Variants in GYS2 observed in about 807,000 individuals in gnomAD.
GYS2 encodes glycogen [starch] synthase, liver.
GYS2 carries 80 observed loss-of-function variants against 85.6 expected under a neutral mutation model. The ratio of observed to expected loss-of-function variants is 0.93; its 90% CI spans 0.78 to 1.13. GYS2 has a LOEUF of 1.13. Among genes scored for constraint, GYS2 ranks in the 50% most tolerant of loss-of-function variants. GYS2 has a pLI of 0.00. For missense variants in GYS2, 881 were observed against 854.9 expected, an observed-to-expected ratio of 1.03 and a Z score of -0.38; for synonymous variants, 328 against 300.7, an observed-to-expected ratio of 1.09 and a Z score of -0.94.
chr12:21,588,157 A>G (rs1333027252), intron 1 of GYS2, among the ~76,000 whole-genome samples: 1 of 152,228 alleles, frequency 6.6e-6, no homozygotes, highest in East Asian at 1.9e-4. Flanking sequence ...CTTCAACTCA[A>G]TTGCAAAAAG....
At chr12:21,592,140 TAAGAAAGA>T (rs57387746) in intron 1 of GYS2, among the ~76,000 whole-genome samples, 9 of 87,186 alleles carry the variant, frequency 1.0e-4, no homozygotes, top group South Asian at 3.3e-4. Context: ...TCATAAATAA[TAAGAAAGA>T]AAGAAAGAAA....
chr12:21,593,125 C>G (rs1461040015), intron 1 of GYS2, among the ~76,000 whole-genome samples: 3 of 151,720 alleles, frequency 2.0e-5, no homozygotes, highest in Admixed American at 6.6e-5. Context: ...TGGGATACAG[C>G]AAAAGCAGTG....
chr12:21,552,723 C>T (rs1944127987), intron 11 of GYS2, among the ~76,000 whole-genome samples: 1 of 152,206 alleles, frequency 6.6e-6, no homozygotes, highest in Admixed American at 6.5e-5. Context: ...CATCTCCACT[C>T]ACCCTATGAA....
At chr12:21,565,408 T>TAC (rs1944306686) in intron 5 of GYS2, among the ~76,000 whole-genome samples, 1 of 119,316 alleles carries the variant, frequency 8.4e-6, no homozygotes, top group Non-Finnish European at 1.8e-5. Flanking sequence ...TATATATATA[T>TAC]ATATATATAT....
At chr12:21,539,810 G>A (rs192095453) in intron 14 of GYS2, among the ~76,000 whole-genome samples, 1 of 152,332 alleles carries the variant, frequency 6.6e-6, no homozygotes, top group Admixed American at 6.5e-5. Flanking sequence ...ACTGGCATTT[G>A]TGTGTGCAGA....
At chr12:21,602,295 G>C (rs141507540) in intron 1 of GYS2, among the ~76,000 whole-genome samples, 40 of 152,108 alleles carry the variant, frequency 2.6e-4, no homozygotes, top group African/African-American at 9.4e-4. Flanking sequence ...CCTTGGAAAA[G>C]ACCTAAATCC....
intron 1 of GYS2, 125 bp downstream of exon 1, chr12:21,604,347 G>A (rs879135709): frequency 1.7e-5 from 13 of 755,542 alleles, no homozygotes; most frequent in Admixed American, 5.2e-5. Context: ...TATATATTCC[G>A]TTTAAATGCT....
In GYS2 at chr12:21,560,497, TG is replaced by T. The variant is rs1208175592; in HGVS notation, c.1063-6del. On this transcript the variant is annotated splice_polypyrimidine_tract_variant and splice_region_variant and intron_variant, in intron 7 of 15. Coordinates refer to ENST00000261195, the MANE Select transcript of GYS2 (RefSeq NM_021957.4). ...TGTGATGTCACTTTTATGCATCTGA[TG>T]AGGAATTAGAAAACACAGAGTCAAC... The T allele has an allele frequency of 7.7e-7, 1 of 1,306,176 alleles. No homozygotes were observed. Among genetic ancestry groups the T allele is most frequent in the Non-Finnish European group, 1.1e-6 (1 of 898,086 alleles). 80.9% of individuals were successfully genotyped at this position (1,306,176 alleles called of 1,614,324 possible).
intron 11 of GYS2, among the ~76,000 whole-genome samples, chr12:21,550,993 A>G (rs542596068): frequency 8.3e-6 from 1 of 120,412 alleles, no homozygotes; most frequent in African/African-American, 3.0e-5. Flanking sequence ...CAAGCACTCT[A>G]CACTTTTCTT....
At chr12:21,545,640 T>C (rs1194274982) in intron 12 of GYS2, among the ~76,000 whole-genome samples, 1 of 152,186 alleles carries the variant, frequency 6.6e-6, no homozygotes, top group African/African-American at 2.4e-5. Context: ...ACCATGCCAG[T>C]TCGGTCCAGA....
At chr12:21,546,311 CA>C in intron 12 of GYS2, 32 bp downstream of exon 12, 3 of 1,504,316 alleles carry the variant, frequency 2.0e-6, no homozygotes, top group Non-Finnish European at 2.8e-6. Flanking sequence ...TAACAAAATT[CA>C]AAACATTCCA....
rs567129927 is a variant in GYS2, at chr12:21,552,714, A to G, written c.1422+5486T>C. Among the ~76,000 whole-genome samples the G allele has an allele frequency of 4.6e-5, 7 of 152,294 alleles. No homozygotes were observed. In the South Asian group the frequency reaches 8.3e-4, roughly 18 times the overall value. ...GACATAAATTATGAGACAAACTTTC[A>G]TCTCCACTCACCCTATGAAAGTCAT... On this transcript the variant is annotated intron_variant, in intron 11 of 15. Coordinates refer to ENST00000261195, the MANE Select transcript of GYS2 (RefSeq NM_021957.4).
At chr12:21,566,108 T>G (rs1043143893) in intron 5 of GYS2, among the ~76,000 whole-genome samples, 7 of 152,172 alleles carry the variant, frequency 4.6e-5, no homozygotes, top group African/African-American at 1.7e-4. Context: ...TAAACTATTT[T>G]GAGTCAAATT....
intron 1 of GYS2, among the ~76,000 whole-genome samples, chr12:21,586,167 A>T (rs1174463690): frequency 6.6e-6 from 1 of 152,152 alleles, no homozygotes; most frequent in African/African-American, 2.4e-5. Flanking sequence ...CCATCTAATC[A>T]GTTGCCAGTG....
At chr12:21,593,950 A>C (rs1944667600) in intron 1 of GYS2, among the ~76,000 whole-genome samples, 1 of 151,828 alleles carries the variant, frequency 6.6e-6, no homozygotes, top group South Asian at 2.1e-4. Context: ...TTGCAAGAAC[A>C]GTTCAAATCA....
In GYS2 at chr12:21,563,782, G is replaced by A. The variant is rs138242649; in HGVS notation, c.824-437C>T. Among the ~76,000 whole-genome samples the A allele has an allele frequency of 4.7e-3, 718 of 152,202 alleles. 3 individuals carry two copies. The highest frequency in any genetic ancestry group is 8.9e-3 in the Non-Finnish European group (602 of 68,014). ...CTCAGGCACAGAGTTGTTTAAAGAC[G>A]CCGTCCAAGAACACACAGCTGGTAA... On this transcript the variant is annotated intron_variant, in intron 5 of 15. Coordinates refer to ENST00000261195, the MANE Select transcript of GYS2 (RefSeq NM_021957.4).
chr12:21,580,579 A>G, intron 1 of GYS2, 56 bp from the exon 2 acceptor site: 1 of 1,286,314 alleles, frequency 7.8e-7, no homozygotes, highest in Non-Finnish European at 1.1e-6. Context: ...TGTTTAAAGT[A>G]ATAAGGGATG....
chr12:21,596,357 A>G (rs1383963734), intron 1 of GYS2, among the ~76,000 whole-genome samples: 1 of 152,068 alleles, frequency 6.6e-6, no homozygotes, highest in Non-Finnish European at 1.5e-5. Flanking sequence ...TTAACAAAAT[A>G]CTAGATAACC....
At position 21,575,912 on chromosome 12, in the gene GYS2, T is replaced by C. The variant is rs773073036; in HGVS notation, c.449A>G (p.Asn150Ser). ...TAAAGATCCAAATATCAGCATATCATTGGCTTCTCGGTCATGATAAGGAAT... is the reference window on the plus strand; with the variant it reads ...TAAAGATCCAAATATCAGCATATCACTGGCTTCTCGGTCATGATAAGGAAT... Reference protein sequence around the residue: ...VGIPYHDREANDMLIFGSLTA... With the variant: ...VGIPYHDREASDMLIFGSLTA... Residue 150 changes from asparagine (N) to serine (S), a missense_variant, in exon 3 of 16, where the codon AAT becomes AGT. Asn to Ser is a conservative substitution (Grantham distance 46, BLOSUM62 1). Transcript: ENST00000261195. 15 of 1,613,866 alleles carry C rather than the reference T, an allele frequency of 9.3e-6. No homozygotes were observed. The highest frequency in any genetic ancestry group is 8.0e-5 in the African/African-American group (6 of 74,914).
Sources: allele counts gnomAD v4.1 joint callset (sites outside exome capture counted in the v4.1 genomes callset), GRCh38; gene constraint gnomAD v4.1.1; transcripts MANE v1.5; gene names NCBI Gene and HGNC (gene_info 2026-07-23, HGNC 2026-07-21).